SOX5: variants seen among roughly 807,000 people sequenced by gnomAD.
SOX5 encodes the protein transcription factor SOX-5.
In SOX5, 9 loss-of-function variants were observed where a neutral mutation model predicts 92.0. The ratio of observed to expected loss-of-function variants is 0.10; its 90% CI spans 0.06 to 0.17. SOX5 has a LOEUF of 0.17. Ranked by LOEUF, SOX5 falls within the 10% of genes least tolerant of loss-of-function variation. The pLI is 1.00. For missense variants in SOX5, 642 were observed against 944.5 expected, an observed-to-expected ratio of 0.68 and a Z score of 4.20; for synonymous variants, 344 against 336.3, an observed-to-expected ratio of 1.02 and a Z score of -0.25.
intron 2 of SOX5, among the ~76,000 whole-genome samples, chr12:23,853,062 G>A (rs1004748346): frequency 1.3e-5 from 2 of 151,248 alleles, no homozygotes; most frequent in Non-Finnish European, 2.9e-5. Context: ...TTCCAGGGAG[G>A]AAAAGAAGGA....
chr12:24,274,139 T>A (rs898568856), intron 3 of SOX5, among the ~76,000 whole-genome samples: 2 of 152,218 alleles, frequency 1.3e-5, no homozygotes, highest in African/African-American at 4.8e-5. Context: ...CATAAGGTCA[T>A]GTTTCTTAAT....
At chr12:24,332,235 G>A (rs751188611) in intron 2 of SOX5, among the ~76,000 whole-genome samples, 1 of 152,150 alleles carries the variant, frequency 6.6e-6, no homozygotes, top group Non-Finnish European at 1.5e-5. Flanking sequence ...AAAAAACCAC[G>A]TTACCTCAAA....
chr12:23,684,290 C>T (rs770399727), intron 6 of SOX5, among the ~76,000 whole-genome samples: 1 of 151,982 alleles, frequency 6.6e-6, no homozygotes, highest in African/African-American at 2.4e-5. Context: ...AATTATTGTG[C>T]TGGGAACAGT....
At chr12:23,786,453 A>G (rs562904911) in intron 3 of SOX5, among the ~76,000 whole-genome samples, 73 of 152,004 alleles carry the variant, frequency 4.8e-4, no homozygotes, top group South Asian at 1.0e-3. Flanking sequence ...ATGGAAGAAA[A>G]TCAAATCTGG....
At chr12:24,263,527 C>CAAAA (rs386375915) in intron 3 of SOX5, among the ~76,000 whole-genome samples, 4,455 of 62,852 alleles carry the variant, frequency 0.071, 998 homozygotes, top group Middle Eastern at 0.091. Flanking sequence ...GACTCCGTCT[C>CAAAA]AAAAAAAAAA....
At chr12:23,806,590 A>G (rs534055234) in intron 3 of SOX5, among the ~76,000 whole-genome samples, 7 of 148,986 alleles carry the variant, frequency 4.7e-5, no homozygotes, top group South Asian at 2.1e-4. Flanking sequence ...ACTAAAAAAA[A>G]AAAAAAAAGA....
At chr12:24,205,149 C>T (rs1288685148) in intron 4 of SOX5, among the ~76,000 whole-genome samples, 1 of 152,180 alleles carries the variant, frequency 6.6e-6, no homozygotes, top group Non-Finnish European at 1.5e-5. Flanking sequence ...AAGATCTATA[C>T]TCACATTACA....
chr12:24,107,562 A>C (rs989691717), intron 4 of SOX5, among the ~76,000 whole-genome samples: 2 of 152,104 alleles, frequency 1.3e-5, no homozygotes, highest in Non-Finnish European at 2.9e-5. Flanking sequence ...CAAACATAAA[A>C]CCCAAAAAAC....
At chr12:23,682,039 T>G (rs539014474) in intron 6 of SOX5, among the ~76,000 whole-genome samples, 1 of 151,772 alleles carries the variant, frequency 6.6e-6, no homozygotes, top group African/African-American at 2.4e-5. Flanking sequence ...AAAAAAAAAT[T>G]TAGGTGATAT....
intron 1 of SOX5, among the ~76,000 whole-genome samples, chr12:24,511,206 A>C (rs565657769): frequency 1.3e-5 from 2 of 152,040 alleles, no homozygotes; most frequent in Non-Finnish European, 2.9e-5. Flanking sequence ...AACCAGAAAA[A>C]TTTTCTTTCA....
intron 2 of SOX5, among the ~76,000 whole-genome samples, chr12:23,861,616 T>C (rs534843538): frequency 6.6e-6 from 1 of 152,268 alleles, no homozygotes; most frequent in South Asian, 2.1e-4. Context: ...CGATTGATAA[T>C]AAAAGTATTT....
At chr12:24,030,835 T>C (rs1211187414) in intron 4 of SOX5, among the ~76,000 whole-genome samples, 13 of 151,860 alleles carry the variant, frequency 8.6e-5, no homozygotes, top group South Asian at 4.2e-4. Context: ...GGAATTAAAA[T>C]AGCTCATAGC....
chr12:23,878,385 A>C (rs929840277), intron 2 of SOX5, among the ~76,000 whole-genome samples: 1 of 152,032 alleles, frequency 6.6e-6, no homozygotes, highest in African/African-American at 2.4e-5. Context: ...TCTAGACTTC[A>C]GTATACTCAA....
At chr12:24,065,860 C>A (rs1228868215) in intron 4 of SOX5, among the ~76,000 whole-genome samples, 1 of 152,032 alleles carries the variant, frequency 6.6e-6, no homozygotes, top group Non-Finnish European at 1.5e-5. Context: ...ACAAAAAGCT[C>A]AACACTCACA....
chr12:23,713,655 G>GTGTGTGTGTGTA (rs2092255949), intron 6 of SOX5, among the ~76,000 whole-genome samples: 1 of 149,974 alleles, frequency 6.7e-6, no homozygotes, highest in African/African-American at 2.4e-5. Flanking sequence ...CTCTGTGTGT[G>GTGTGTGTGTGTA]TGTGTGTGTA....
intron 3 of SOX5, among the ~76,000 whole-genome samples, chr12:24,238,655 CCA>C (rs1239023242): frequency 6.6e-6 from 1 of 152,190 alleles, no homozygotes; most frequent in Non-Finnish European, 1.5e-5. Context: ...CAGTGCCCGG[CCA>C]CAGAGTAGTC....
chr12:24,006,686 G>A (rs976846657), intron 4 of SOX5, among the ~76,000 whole-genome samples: 17 of 151,690 alleles, frequency 1.1e-4, no homozygotes, highest in South Asian at 4.2e-4. Context: ...CATATTCTCC[G>A]ATATTACCTT....
intron 4 of SOX5, among the ~76,000 whole-genome samples, chr12:24,038,593 A>T (rs1956260810): frequency 6.6e-6 from 1 of 152,092 alleles, no homozygotes; most frequent in Non-Finnish European, 1.5e-5. Context: ...TTTTTTTTCA[A>T]GAGTGAAAAG....
intron 1 of SOX5, among the ~76,000 whole-genome samples, chr12:23,923,019 C>T (rs1222709509): frequency 6.6e-6 from 1 of 151,634 alleles, no homozygotes; most frequent in Non-Finnish European, 1.5e-5. Context: ...CATCTCGGCT[C>T]ACTGCAAGCT....
Sources: gnomAD v4.1 joint callset for allele counts (sites outside exome capture counted in the v4.1 genomes callset) on GRCh38, gnomAD v4.1.1 for gene constraint, MANE v1.5 for transcripts, NCBI Gene and HGNC (gene_info 2026-07-23, HGNC 2026-07-21) for gene names.